FBXO3: variants seen among roughly 807,000 people sequenced by gnomAD.
The protein encoded by FBXO3 is F-box protein 3.
FBXO3 carries 17 observed loss-of-function variants against 64.8 expected under a neutral mutation model. That is an observed-to-expected ratio of 0.26 (90% CI 0.18 to 0.39). FBXO3 has a LOEUF of 0.39. Ranked by LOEUF, FBXO3 falls within the 10% of genes least tolerant of loss-of-function variation. The pLI, the probability that FBXO3 is intolerant of heterozygous loss-of-function variation, is 1.00. For missense variants in FBXO3, 420 were observed against 589.9 expected (o/e 0.71, Z 2.98); for synonymous variants, 182 against 201.6 (o/e 0.90, Z 0.82).
At chr11:33,759,221 G>A (rs192841408) in intron 3 of FBXO3, among the ~76,000 whole-genome samples, 16 of 152,264 alleles carry the variant, frequency 1.1e-4, no homozygotes, top group Non-Finnish European at 1.8e-4. Context: ...GAAGACTTTC[G>A]AAGAGTCACA....
chr11:33,764,816 A>G (rs11607549), intron 3 of FBXO3, among the ~76,000 whole-genome samples: 26,127 of 152,032 alleles, frequency 0.17, 2,415 homozygotes, highest in Non-Finnish European at 0.2. Flanking sequence ...TCTACTAAAA[A>G]TACAAAAATT....
intron 6 of FBXO3, 26 bp downstream of exon 6, chr11:33,754,429 G>A (rs755639748): frequency 1.4e-5 from 21 of 1,550,050 alleles, no homozygotes; most frequent in Non-Finnish European, 1.8e-5. Context: ...AGAAGAAGGG[G>A]GAAAAAAGAC....
chr11:33,768,374 AG>A (rs1389108814), intron 3 of FBXO3, among the ~76,000 whole-genome samples: 2 of 152,168 alleles, frequency 1.3e-5, no homozygotes, highest in Admixed American at 1.3e-4. Flanking sequence ...TAAGGATAAA[AG>A]TTTTCCTTAC....
chr11:33,757,680 A>AAAAAAAAAAAAAAAC, intron 4 of FBXO3, among the ~76,000 whole-genome samples: 1 of 143,030 alleles, frequency 7.0e-6, no homozygotes, highest in Non-Finnish European at 1.5e-5. Flanking sequence ...AAAAAAAAAA[A>AAAAAAAAAAAAAAAC]AGTCTGGGTG....
chr11:33,753,019 A>G (rs1398042307), intron 6 of FBXO3: 1 of 152,212 alleles, frequency 6.6e-6, no homozygotes, highest in Non-Finnish European at 1.5e-5. Context: ...TTATTAGTAC[A>G]CTGAACACCA....
chr11:33,756,477 T>C (rs1855101072), intron 4 of FBXO3, among the ~76,000 whole-genome samples: 2 of 152,194 alleles, frequency 1.3e-5, no homozygotes, highest in East Asian at 1.9e-4. Context: ...TATATAGCAA[T>C]ACAGGTATCA....
chr11:33,744,118 A>G (rs1296225538), intron 10 of FBXO3: 1 of 152,136 alleles, frequency 6.6e-6, no homozygotes, highest in African/African-American at 2.4e-5. Flanking sequence ...CTTTGGATTT[A>G]TTTTTTTAAT....
rs2133600035 is a variant in FBXO3 at position 33,751,849 on chromosome 11, T to C, written c.725-242A>G. Among the ~76,000 whole-genome samples, 2 of 152,362 alleles carry C rather than the reference T, an allele frequency of 1.3e-5. 1 individual carries two copies. The highest frequency in any genetic ancestry group is 2.9e-5 in the Non-Finnish European group (2 of 68,034). ...ATTGTTAGAGAATCCTCCAATGACC[T>C]TCAGACTATTTTTTTACACTTATAA... On this transcript the variant is annotated intron_variant, in intron 6 of 10. Coordinates refer to ENST00000265651, the MANE Select transcript of FBXO3 (RefSeq NM_012175.4).
intron 8 of FBXO3, among the ~76,000 whole-genome samples, chr11:33,750,058 A>G (rs1425394807): frequency 3.3e-5 from 5 of 152,106 alleles, no homozygotes; most frequent in African/African-American, 1.2e-4. Context: ...CATAGCACAG[A>G]ATACTTCTAA....
At chr11:33,756,393 T>TA (rs1389842185) in intron 4 of FBXO3, among the ~76,000 whole-genome samples, 3 of 152,240 alleles carry the variant, frequency 2.0e-5, no homozygotes, top group African/African-American at 7.2e-5. Flanking sequence ...AGTATAAATG[T>TA]AAAGCAGCTT....
At chr11:33,767,050 A>G (rs1433022512) in intron 3 of FBXO3, among the ~76,000 whole-genome samples, 1 of 151,650 alleles carries the variant, frequency 6.6e-6, no homozygotes, top group Non-Finnish European at 1.5e-5. Flanking sequence ...GCTGTTACAT[A>G]TCCTTAGTTT....
At chr11:33,756,703 C>A (rs1325460437) in intron 4 of FBXO3, among the ~76,000 whole-genome samples, 3 of 152,112 alleles carry the variant, frequency 2.0e-5, no homozygotes, top group Non-Finnish European at 2.9e-5. Context: ...GTCATCTAGT[C>A]CTAACTGACT....
chr11:33,758,762 C>G (rs1855170126), intron 3 of FBXO3, among the ~76,000 whole-genome samples, 161 bp from the exon 4 acceptor site: 1 of 152,108 alleles, frequency 6.6e-6, no homozygotes, highest in South Asian at 2.1e-4. Context: ...TAATTTGAAG[C>G]ACTGAGAAAG....
intron 10 of FBXO3, chr11:33,742,363 C>A (rs1019621368): frequency 4.7e-6 from 1 of 211,848 alleles, no homozygotes; most frequent in Non-Finnish European, 9.4e-6. Flanking sequence ...GAGACGAGTT[C>A]TTGCTGTGTT....
chr11:33,762,145 C>T (rs1320291814), intron 3 of FBXO3, among the ~76,000 whole-genome samples: 2 of 152,156 alleles, frequency 1.3e-5, no homozygotes, highest in Non-Finnish European at 1.5e-5. Context: ...CAGGCATGTA[C>T]ACCAGTGGGT....
chr11:33,765,430 TTAAC>T, intron 3 of FBXO3, among the ~76,000 whole-genome samples: 1 of 152,114 alleles, frequency 6.6e-6, no homozygotes, highest in Admixed American at 6.5e-5. Flanking sequence ...ACATGTAACA[TTAAC>T]AAACTAAGAA....
At chr11:33,761,671 A>G (rs1855246541) in intron 3 of FBXO3, among the ~76,000 whole-genome samples, 1 of 152,228 alleles carries the variant, frequency 6.6e-6, no homozygotes, top group African/African-American at 2.4e-5. Context: ...ATATGACTCA[A>G]CTGGATCCTC....
intron 5 of FBXO3, among the ~76,000 whole-genome samples, chr11:33,755,384 A>ATTTT (rs1212648903): frequency 3.8e-4 from 58 of 152,370 alleles, no homozygotes; most frequent in African/African-American, 1.4e-3. Context: ...GATACATCAA[A>ATTTT]TACCCACTGA....
At chr11:33,771,301 T>C (rs1159636232) in intron 1 of FBXO3, 2 of 152,288 alleles carry the variant, frequency 1.3e-5, no homozygotes, top group African/African-American at 4.8e-5. Flanking sequence ...GAAAAAAGTA[T>C]TGCCACAAAA....
Sources: gnomAD v4.1 joint callset for allele counts (sites outside exome capture counted in the v4.1 genomes callset) on GRCh38, gnomAD v4.1.1 for gene constraint, MANE v1.5 for transcripts, NCBI Gene and HGNC (gene_info 2026-07-23, HGNC 2026-07-21) for gene names.